Variants in CCDC169 observed in about 807,000 individuals in gnomAD.
The protein encoded by CCDC169 is coiled-coil domain-containing protein 169.
A neutral mutation model predicts 36.0 loss-of-function variants in CCDC169; 30 were observed. The observed-to-expected ratio is 0.83, with a 90% CI of 0.62 to 1.13. CCDC169 has a LOEUF of 1.13. Ranked by LOEUF, CCDC169 falls within the 50% of genes most tolerant of loss-of-function variation. The pLI, the probability that CCDC169 is intolerant of heterozygous loss-of-function variation, is 0.00. For missense variants in CCDC169, 245 were observed against 245.9 expected, an observed-to-expected ratio of 1.00 and a Z score of 0.03; for synonymous variants, 85 against 81.5, an observed-to-expected ratio of 1.04 and a Z score of -0.23.
chr13:36,237,477 C>G (rs1209618157), intron 7 of CCDC169, among the ~76,000 whole-genome samples: 2 of 152,122 alleles, frequency 1.3e-5, no homozygotes, highest in African/African-American at 4.8e-5. Flanking sequence ...GCACACAAAA[C>G]TTGTACAGGG....
At chr13:36,277,918 C>T (rs140098765) in intron 4 of CCDC169, among the ~76,000 whole-genome samples, 1 of 148,956 alleles carries the variant, frequency 6.7e-6, no homozygotes, top group Admixed American at 6.7e-5. Flanking sequence ...GCACTCCAGC[C>T]TGGGCAACAG....
rs1327574458 is a variant in CCDC169, at chr13:36,231,871, A to AT, written c.546-580dup. ...TTCTTGTCTCTTCTCATATATTGTAATTTTGTTTTGAAAACTGGATGTTTT... is the reference window on the plus strand; with the variant it reads ...TTCTTGTCTCTTCTCATATATTGTAATTTTTGTTTTGAAAACTGGATGTTTT... On this transcript the variant is annotated intron_variant, in intron 7 of 7. Coordinates refer to ENST00000239859, the MANE Select transcript of CCDC169 (RefSeq NM_001144981.3). Among the ~76,000 whole-genome samples, 4 of 151,824 alleles carry AT rather than the reference A, an allele frequency of 2.6e-5. No homozygotes were observed. In the East Asian group the frequency reaches 5.8e-4, roughly 22 times the overall value.
At chr13:36,248,468 C>T (rs1344070109) in intron 7 of CCDC169, 138 bp downstream of exon 7, 1 of 712,296 alleles carries the variant, frequency 1.4e-6, no homozygotes, top group Non-Finnish European at 2.2e-6. Context: ...TCTTTAAGTT[C>T]TCTTACCATA....
rs376568080 is a variant in CCDC169, at chr13:36,231,217, G to A, written c.621C>T (p.Asn207=). Residue 207 remains asparagine (N), a synonymous_variant, in exon 8 of 8, where the codon AAC becomes AAT. Transcript: ENST00000239859. ...ATCATGGATGGAGTTCTGGAAGATG[G>A]TTTGGTCTTGTAATCTTTTTTACTG... is the stretch of plus-strand genomic sequence containing the variant. ...RGPVKKITRP[N]HLPELHP 232 of 1,551,176 alleles carry A rather than the reference G, an allele frequency of 1.5e-4. No homozygotes were observed. Among genetic ancestry groups the A allele is most frequent in the Non-Finnish European group, 1.9e-4 (215 of 1,146,780 alleles).
chr13:36,256,806 A>G (rs1384765414), intron 4 of CCDC169, among the ~76,000 whole-genome samples: 1 of 152,004 alleles, frequency 6.6e-6, no homozygotes, highest in Non-Finnish European at 1.5e-5. Context: ...CCTTCTTCTC[A>G]CTGCATGTCA....
intron 4 of CCDC169, chr13:36,282,854 T>G (rs1224312712): frequency 6.6e-6 from 1 of 152,422 alleles, no homozygotes; most frequent in Admixed American, 6.5e-5. Context: ...CAGCACTTGT[T>G]GCTACTCTCC....
At chr13:36,238,004 G>A (rs1040156958) in intron 7 of CCDC169, among the ~76,000 whole-genome samples, 2 of 152,110 alleles carry the variant, frequency 1.3e-5, no homozygotes, top group African/African-American at 4.8e-5. Flanking sequence ...ATTGCCTTAT[G>A]ACACACTTCT....
chr13:36,283,994 C>T (rs1292693710), intron 2 of CCDC169, among the ~76,000 whole-genome samples: 1 of 151,970 alleles, frequency 6.6e-6, no homozygotes, highest in Non-Finnish European at 1.5e-5. Context: ...CTTGTGCATC[C>T]TTACAATGAA....
At chr13:36,263,916 C>T (rs1045322515) in intron 4 of CCDC169, among the ~76,000 whole-genome samples, 1 of 152,120 alleles carries the variant, frequency 6.6e-6, no homozygotes, top group East Asian at 1.9e-4. Flanking sequence ...GGAGGTAGTT[C>T]AAAATTCTGC....
chr13:36,275,499 AG>A (rs1876683583), intron 4 of CCDC169, among the ~76,000 whole-genome samples: 1 of 152,178 alleles, frequency 6.6e-6, no homozygotes, highest in African/African-American at 2.4e-5. Context: ...AAACCCAGTG[AG>A]GGCTGTCCAC....
At chr13:36,262,481 C>G (rs1340664764) in intron 4 of CCDC169, among the ~76,000 whole-genome samples, 5 of 152,150 alleles carry the variant, frequency 3.3e-5, no homozygotes, top group African/African-American at 1.2e-4. Flanking sequence ...AAGATTAGTT[C>G]TAATACCTAA....
At chr13:36,265,772 T>G (rs1353491059) in intron 4 of CCDC169, among the ~76,000 whole-genome samples, 1 of 152,242 alleles carries the variant, frequency 6.6e-6, no homozygotes, top group Non-Finnish European at 1.5e-5. Flanking sequence ...AGGGGGTAAC[T>G]TTCAACTGTC....
intron 6 of CCDC169, 40 bp from the exon 7 acceptor site, chr13:36,248,722 T>C (rs1195136387): frequency 5.3e-6 from 8 of 1,514,384 alleles, no homozygotes; most frequent in Middle Eastern, 1.7e-4. Context: ...CCTTGGTTCA[T>C]AATTGATTTC....
chr13:36,236,104 C>A (rs1025535222), intron 7 of CCDC169, among the ~76,000 whole-genome samples: 1 of 151,992 alleles, frequency 6.6e-6, no homozygotes, highest in African/African-American at 2.4e-5. Flanking sequence ...TCAACATACT[C>A]TCTCCATCAA....
chr13:36,297,557 C>T, intron 1 of CCDC169, 80 bp downstream of exon 1: 7 of 1,378,924 alleles, frequency 5.1e-6, no homozygotes, highest in South Asian at 3.7e-5. Context: ...GCACCCTCAG[C>T]GGCTTCAGCC....
At chr13:36,271,999 C>T (rs997178860) in intron 4 of CCDC169, among the ~76,000 whole-genome samples, 2 of 151,050 alleles carry the variant, frequency 1.3e-5, no homozygotes, top group Non-Finnish European at 1.5e-5. Context: ...GCAGAAGAAT[C>T]GCTTGAACTC....
chr13:36,256,788 G>A (rs951618352), intron 4 of CCDC169, among the ~76,000 whole-genome samples: 12 of 152,208 alleles, frequency 7.9e-5, no homozygotes, highest in Non-Finnish European at 1.6e-4. Context: ...CCTCTGGGCT[G>A]TCTCTTCCCT....
At chr13:36,286,622 C>G (rs959810181) in intron 2 of CCDC169, among the ~76,000 whole-genome samples, 1 of 152,130 alleles carries the variant, frequency 6.6e-6, no homozygotes, top group South Asian at 2.1e-4. Flanking sequence ...CTCTTTCTCT[C>G]TCTCTTTCCC....
intron 4 of CCDC169, chr13:36,274,415 T>C (rs1405977156): frequency 2.6e-5 from 4 of 152,168 alleles, no homozygotes; most frequent in Admixed American, 2.0e-4. Flanking sequence ...GACTCTCTCA[T>C]TCCATCACTT....
Sources: gnomAD v4.1 joint callset for allele counts (sites outside exome capture counted in the v4.1 genomes callset) on GRCh38, gnomAD v4.1.1 for gene constraint, MANE v1.5 for transcripts, NCBI Gene and HGNC (gene_info 2026-07-23, HGNC 2026-07-21) for gene names.